Variants in TMEM242 observed in about 807,000 individuals in gnomAD.
TMEM242 encodes the protein UPF0463 transmembrane protein C6orf35.
TMEM242 carries 10 observed loss-of-function variants against 18.2 expected under a neutral mutation model. That is an observed-to-expected ratio of 0.55 (90% CI 0.34 to 0.93). The LOEUF (loss-of-function observed/expected upper bound fraction) is 0.93. Among genes scored for constraint, TMEM242 ranks in the 40% least tolerant of loss-of-function variants. The pLI is 0.02. For synonymous variants in TMEM242, 57 were observed against 69.9 expected, an observed-to-expected ratio of 0.81 and a Z score of 0.92; for missense variants, 186 against 175.5, an observed-to-expected ratio of 1.06 and a Z score of -0.34.
intron 3 of TMEM242, among the ~76,000 whole-genome samples, chr6:157,317,043 C>T (rs1562388276): frequency 6.6e-6 from 1 of 152,194 alleles, no homozygotes; most frequent in Non-Finnish European, 1.5e-5. Context: ...TCCTGCAACC[C>T]TGCCAACTTG....
chr6:157,313,187 C>A (rs587612308), intron 3 of TMEM242, among the ~76,000 whole-genome samples: 10 of 135,788 alleles, frequency 7.4e-5, no homozygotes, highest in African/African-American at 2.5e-4. Context: ...TGTGCGCTCA[C>A]CCGGCCTCAT....
At chr6:157,312,826 T>G (rs1554249442) in intron 3 of TMEM242, among the ~76,000 whole-genome samples, 1 of 149,178 alleles carries the variant, frequency 6.7e-6, no homozygotes, top group Non-Finnish European at 1.5e-5. Flanking sequence ...AGCCTCATCA[T>G]AGTGCCACAG....
intron 3 of TMEM242, among the ~76,000 whole-genome samples, chr6:157,300,909 A>C (rs1554247498): frequency 6.6e-6 from 1 of 152,262 alleles, no homozygotes; most frequent in African/African-American, 2.4e-5. Context: ...CAACCAATGC[A>C]TAAATCAGAT....
Position 157,305,248 on chromosome 6 carries a change from C to G in TMEM242, c.328-12249G>C, listed in dbSNP as rs1554247829. On this transcript the variant is annotated intron_variant, in intron 3 of 3. Transcript: ENST00000400788. This position sits in a 1 kb window ranked among gnomAD's most constrained non-coding sequence, Gnocchi z 4.1. The stretch of plus-strand genomic sequence containing the variant: ...AGGCAGGCGGTGTTCAGCGGCAGAG[C>G]TGACAAGCAGGACTTGCATGCATCA... 6.6e-6 allele frequency among the ~76,000 whole-genome samples: 1 copy of G among 152,052 alleles called. No homozygotes were observed. The highest frequency in any genetic ancestry group is 2.1e-4 in the South Asian group (1 of 4,812).
At chr6:157,312,452 T>TC (rs1778188325) in intron 3 of TMEM242, among the ~76,000 whole-genome samples, 6 of 144,398 alleles carry the variant, frequency 4.2e-5, no homozygotes, top group Admixed American at 6.9e-5. Flanking sequence ...CCGAGCCTCA[T>TC]AGTGCCCCAG....
chr6:157,299,235 G>A, intron 3 of TMEM242: 4 of 720,932 alleles, frequency 5.5e-6, no homozygotes, highest in South Asian at 1.4e-5. Flanking sequence ...AATACTTTCT[G>A]TTAAATCAGC....
Position 157,305,295 on chromosome 6 carries a change from T to A in TMEM242, c.328-12296A>T, listed in dbSNP as rs1039270407. On this transcript the variant is annotated intron_variant, in intron 3 of 3. Transcript: ENST00000400788. This position sits in a 1 kb window ranked among gnomAD's most constrained non-coding sequence, Gnocchi z 4.1. ...ATCAGATGAAGGGAACCAAGGGAAA[T>A]GAGAGAATCTAAGAGGATTCTCACT... Among the ~76,000 whole-genome samples the A allele has an allele frequency of 6.6e-6, 1 of 151,936 alleles. No individual in the cohort carries two copies. The highest frequency in any genetic ancestry group is 2.4e-5 in the African/African-American group (1 of 41,358).
In TMEM242 at chr6:157,289,524, T is replaced by C. The variant is rs1777655920; in HGVS notation, c.*3377A>G. 6.6e-6 allele frequency: 1 copy of C among 152,216 alleles called. No homozygotes were observed. The highest frequency in any genetic ancestry group is 2.4e-5 in the African/African-American group (1 of 41,464). The allele number at this position is 152,216 out of a possible 1,614,324, so 9.4% of individuals were successfully genotyped here. A position where few individuals can be genotyped will look rare whatever the true frequency, so the allele number is the denominator to read the frequency against. On this transcript the variant is annotated 3_prime_UTR_variant, in exon 4 of 4. Transcript: ENST00000400788. ...GAAATGCCTTTGTATGTTACCTGAT[T>C]TTCATTTGTACTTAACAATTTGTCT... is the stretch of plus-strand genomic sequence containing the variant.
At chr6:157,312,621 A>AGTGTGCGCTCACCTAGCCTCATCT (rs1778204082) in intron 3 of TMEM242, among the ~76,000 whole-genome samples, 1 of 151,134 alleles carries the variant, frequency 6.6e-6, no homozygotes, top group African/African-American at 2.4e-5. Context: ...TAGCCTCACC[A>AGTGTGCGCTCACCTAGCCTCATCT]TAGTGTCGCA....
Position 157,289,187 on chromosome 6 carries a change from C to T in TMEM242, c.*3714G>A, listed in dbSNP as rs1321281171. Among the ~76,000 whole-genome samples the T allele has an allele frequency of 2.6e-5, 4 of 151,876 alleles. No individual in the cohort carries two copies. The highest frequency in any genetic ancestry group is 4.8e-5 in the African/African-American group (2 of 41,322). On this transcript the variant is annotated 3_prime_UTR_variant, in exon 4 of 4. Transcript: ENST00000400788. ...TAATACTTGGGTGGGAAAGTTGAAA[C>T]GATATGTGCTTCTTGGTAGCTGTGA...
At chr6:157,310,834 CAT>C (rs1778015781) in intron 3 of TMEM242, among the ~76,000 whole-genome samples, 1 of 151,174 alleles carries the variant, frequency 6.6e-6, no homozygotes, top group Non-Finnish European at 1.5e-5. Flanking sequence ...CCGGCCTCAT[CAT>C]AGTGTCCCAG....
chr6:157,322,290 CT>C (rs1362972356), intron 2 of TMEM242, among the ~76,000 whole-genome samples: 5 of 152,118 alleles, frequency 3.3e-5, no homozygotes, highest in Non-Finnish European at 5.9e-5. Flanking sequence ...CACACCACAC[CT>C]GGCTCATTTT....
intron 3 of TMEM242, chr6:157,299,385 C>T (rs1777795189): frequency 4.2e-6 from 5 of 1,203,546 alleles, no homozygotes; most frequent in South Asian, 3.7e-5. Context: ...TTCAAAGCGA[C>T]ACCAGCTATG....
intron 3 of TMEM242, among the ~76,000 whole-genome samples, chr6:157,312,191 TCCCAG>T (rs1778162882): frequency 8.8e-6 from 1 of 113,018 alleles, no homozygotes; most frequent in Non-Finnish European, 1.8e-5. Flanking sequence ...CATCATAGTG[TCCCAG>T]TGTGCACTGA....
intron 3 of TMEM242, among the ~76,000 whole-genome samples, chr6:157,304,474 AAAAAAAAAAAAAAAAAAG>A (rs1278148466): frequency 2.5e-5 from 3 of 121,572 alleles, no homozygotes; most frequent in Admixed American, 8.5e-5. Context: ...AAAAAAAAAA[AAAAAAAAAAAAAAAAAAG>A]AGAGAGAGAG....
intron 2 of TMEM242, among the ~76,000 whole-genome samples, chr6:157,320,089 T>C (rs1778468306): frequency 6.6e-6 from 1 of 152,226 alleles, no homozygotes; most frequent in Admixed American, 6.5e-5. Flanking sequence ...TTGCTCAGTA[T>C]AAACGCATTA....
intron 3 of TMEM242, among the ~76,000 whole-genome samples, chr6:157,309,270 C>T (rs1232362553): frequency 6.6e-6 from 1 of 151,814 alleles, no homozygotes; most frequent in Non-Finnish European, 1.5e-5. Context: ...TTGTTTTGTA[C>T]TTTTCAACAT....
intron 3 of TMEM242, among the ~76,000 whole-genome samples, chr6:157,301,988 G>C (rs1412442343): frequency 1.3e-5 from 2 of 152,154 alleles, no homozygotes; most frequent in African/African-American, 4.8e-5. Context: ...AAAGGAGTTG[G>C]TGAGGGTGGG....
intron 3 of TMEM242, chr6:157,299,739 G>C (rs1318804364): frequency 3.1e-6 from 5 of 1,603,092 alleles, no homozygotes; most frequent in Non-Finnish European, 4.3e-6. Context: ...ATAATCACTA[G>C]GCTGGAGTTT....
Sources: gnomAD v4.1 joint callset for allele counts (sites outside exome capture counted in the v4.1 genomes callset) on GRCh38, gnomAD v4.1.1 for gene constraint, Gnocchi (gnomAD v3.1) non-coding constraint, MANE v1.5 for transcripts, NCBI Gene and HGNC (gene_info 2026-07-23, HGNC 2026-07-21) for gene names.